Variants in SPNS3 observed in about 807,000 individuals in gnomAD.
SPNS3 encodes SPNS lysolipid transporter 3, sphingosine-1-phosphate (putative).
SPNS3 carries 51 observed loss-of-function variants against 54.4 expected under a neutral mutation model. The ratio of observed to expected loss-of-function variants is 0.94; its 90% CI spans 0.75 to 1.18. The LOEUF is 1.18. Ranked by LOEUF, SPNS3 falls within the 50% of genes most tolerant of loss-of-function variation. The probability of loss-of-function intolerance (pLI) is 0.00; values close to 1 mark genes in which losing one functional copy is unlikely to be tolerated. For missense variants in SPNS3, 669 were observed against 677.4 expected, an observed-to-expected ratio of 0.99 and a Z score of 0.14; for synonymous variants, 309 against 294.7, an observed-to-expected ratio of 1.05 and a Z score of -0.50.
At position 4,486,510 on chromosome 17, in the gene SPNS3, G is replaced by C; in HGVS notation, c.1377G>C (p.Leu459=). ...SFLCCAFVIA[L]GGGCFLLTAL... is the part of the protein sequence containing the mutation. ...TGTGCTGCGCCTTTGTCATCGCCCT[G>C]GGGGGCGGCTGCTTCCTGCTGACTG... Residue 459 remains leucine (L), a synonymous_variant, in exon 11 of 12, where the codon CTG becomes CTC. Coordinates refer to ENST00000355530, the MANE Select transcript of SPNS3 (RefSeq NM_182538.5). The surrounding 1 kb of genome is among the most constrained non-coding windows in gnomAD (Gnocchi z 5.5). 1 of 1,613,518 alleles carries C rather than the reference G, an allele frequency of 6.2e-7. No homozygotes were observed. The highest frequency in any genetic ancestry group is 8.5e-7 in the Non-Finnish European group (1 of 1,179,932).
At chr17:4,444,279 A>C (rs1179889495) in intron 2 of SPNS3, among the ~76,000 whole-genome samples, 1 of 150,878 alleles carries the variant, frequency 6.6e-6, no homozygotes, top group African/African-American at 2.4e-5. Flanking sequence ...CAGTGGCGTG[A>C]TCCCGGCTCA....
At position 4,453,092 on chromosome 17, in the gene SPNS3, A is replaced by G. The variant is rs932791968; in HGVS notation, c.1000A>G (p.Lys334Glu). The stretch of plus-strand genomic sequence containing the variant: ...GGGGGCAGAAGCTGCGAGGAGGTAC[A>G]AGAAAGTCATTCCAGGAGCTGAGCC... ...ILGAEAARRY[K>E]KVIPGAEPLI... Residue 334 changes from lysine to glutamate, a missense_variant, in exon 8 of 12, where the codon AAG becomes GAG. Transcript: ENST00000355530. 1 of 1,614,122 alleles carries G rather than the reference A, an allele frequency of 6.2e-7. No homozygotes were observed. Among genetic ancestry groups the G allele is most frequent in the Non-Finnish European group, 8.5e-7 (1 of 1,179,988 alleles).
At chr17:4,477,556 T>G (rs1256927562) in intron 8 of SPNS3, among the ~76,000 whole-genome samples, 1 of 152,228 alleles carries the variant, frequency 6.6e-6, no homozygotes, top group East Asian at 1.9e-4. Flanking sequence ...AGGATTGTCC[T>G]AATCCCTTGG....
chr17:4,459,793 T>C (rs1971447245), intron 8 of SPNS3, among the ~76,000 whole-genome samples: 1 of 151,806 alleles, frequency 6.6e-6, no homozygotes, highest in Admixed American at 6.6e-5. Flanking sequence ...CTGAGAGAAC[T>C]TACATTCTAG....
intron 1 of SPNS3, among the ~76,000 whole-genome samples, chr17:4,434,596 A>C (rs1426577496): frequency 6.6e-6 from 1 of 151,730 alleles, no homozygotes; most frequent in Non-Finnish European, 1.5e-5. Flanking sequence ...TCCCAGGTTC[A>C]AGTGATTCTC....
At chr17:4,475,509 C>T (rs28650201) in intron 8 of SPNS3, among the ~76,000 whole-genome samples, 5,214 of 152,252 alleles carry the variant, frequency 0.034, 294 homozygotes, top group African/African-American at 0.12. Context: ...CATGTAGGGA[C>T]CCCCCAACCC....
chr17:4,454,494 T>C (rs1971251397), intron 8 of SPNS3, among the ~76,000 whole-genome samples: 1 of 152,202 alleles, frequency 6.6e-6, no homozygotes, highest in African/African-American at 2.4e-5. Flanking sequence ...CTCACACTAG[T>C]TTGGCTGCAT....
At chr17:4,437,495 C>T (rs1444102456) in intron 1 of SPNS3, among the ~76,000 whole-genome samples, 7 of 151,588 alleles carry the variant, frequency 4.6e-5, no homozygotes, top group African/African-American at 7.3e-5. Context: ...GGTGAAACCC[C>T]GTCTCTACTA....
chr17:4,450,281 CTCTCTTCTCT>C (rs1048817147), intron 7 of SPNS3, among the ~76,000 whole-genome samples: 3 of 151,144 alleles, frequency 2.0e-5, no homozygotes, highest in Non-Finnish European at 4.4e-5. Context: ...CTCTCTTCTC[CTCTCTTCTCT>C]TCTCTCCTTC....
intron 8 of SPNS3, among the ~76,000 whole-genome samples, chr17:4,462,803 A>AT (rs1233873897): frequency 1.7e-5 from 2 of 118,554 alleles, no homozygotes; most frequent in Non-Finnish European, 3.3e-5. Flanking sequence ...CCATCCATCC[A>AT]CCAATCTATC....
intron 8 of SPNS3, among the ~76,000 whole-genome samples, chr17:4,477,335 T>C (rs1045836645): frequency 2.6e-5 from 4 of 152,102 alleles, no homozygotes; most frequent in Non-Finnish European, 5.9e-5. Context: ...TGGGTGGCAG[T>C]CCTTCAGGTC....
At chr17:4,465,325 C>A (rs770295733) in intron 8 of SPNS3, among the ~76,000 whole-genome samples, 3 of 152,106 alleles carry the variant, frequency 2.0e-5, no homozygotes, top group Non-Finnish European at 4.4e-5. Flanking sequence ...AACTGTGTTG[C>A]CTTTTATGAC....
intron 1 of SPNS3, among the ~76,000 whole-genome samples, chr17:4,435,192 G>A (rs1970682058): frequency 6.6e-6 from 1 of 152,084 alleles, no homozygotes; most frequent in African/African-American, 2.4e-5. Flanking sequence ...GGAGGCCAAG[G>A]TGGGCGGATC....
At chr17:4,445,987 G>T in intron 3 of SPNS3, 61 bp from the exon 4 acceptor site, 2 of 1,531,872 alleles carry the variant, frequency 1.3e-6, no homozygotes, top group African/African-American at 1.4e-5. Context: ...ACAAACCCTC[G>T]GGTCCCTGGC....
At chr17:4,434,689 G>A (rs1377139398) in intron 1 of SPNS3, among the ~76,000 whole-genome samples, 1 of 151,810 alleles carries the variant, frequency 6.6e-6, no homozygotes, top group African/African-American at 2.4e-5. Context: ...TAGAGGAGGA[G>A]TAGGGACGGG....
Position 4,488,165 on chromosome 17 carries a change from A to G in SPNS3, c.*271A>G. The G allele has an allele frequency of 2.0e-6, 1 of 508,080 alleles. No homozygotes were observed. The highest frequency in any genetic ancestry group is 2.2e-5 in the South Asian group (1 of 44,690). The allele number at this position is 508,080 out of a possible 1,614,324, so 31.5% of individuals were successfully genotyped here. A position where few individuals can be genotyped will look rare whatever the true frequency, so the allele number is the denominator to read the frequency against. On this transcript the variant is annotated 3_prime_UTR_variant, in exon 12 of 12. Coordinates refer to ENST00000355530, the MANE Select transcript of SPNS3 (RefSeq NM_182538.5). ...CCTGGCTGCTGCTGGGCCCTGAATA[A>G]AGAGAGGCCAGTACAAAGCCCATGG...
chr17:4,446,618 G>A, intron 4 of SPNS3: 1 of 554,370 alleles, frequency 1.8e-6, no homozygotes, highest in Non-Finnish European at 3.2e-6. Context: ...GACTCAAGCA[G>A]GGCCCAGCCT....
intron 8 of SPNS3, among the ~76,000 whole-genome samples, chr17:4,469,427 A>G (rs1042714019): frequency 6.6e-6 from 1 of 152,066 alleles, no homozygotes; most frequent in Non-Finnish European, 1.5e-5. Context: ...CGGGTGCCCA[A>G]TGCAAACATG....
chr17:4,482,068 T>C (rs1237760000), intron 9 of SPNS3: 1 of 152,194 alleles, frequency 6.6e-6, no homozygotes, highest in Non-Finnish European at 1.5e-5. Flanking sequence ...TTTGTATTTT[T>C]AGTAGAGACG....
Sources: allele counts gnomAD v4.1 joint callset (sites outside exome capture counted in the v4.1 genomes callset), GRCh38; gene constraint gnomAD v4.1.1; non-coding constraint Gnocchi (gnomAD v3.1); transcripts MANE v1.5; gene names NCBI Gene and HGNC (gene_info 2026-07-23, HGNC 2026-07-21).